Variants in LDLRAD3 observed in about 807,000 individuals in gnomAD.
LDLRAD3 encodes the protein low density lipoprotein receptor class A domain containing 3.
In LDLRAD3, 20 loss-of-function variants were observed where a neutral mutation model predicts 29.4. That is an observed-to-expected ratio of 0.68 (90% confidence interval 0.48 to 0.99). The LOEUF is 0.99. Ranked by LOEUF, LDLRAD3 falls within the 50% of genes least tolerant of loss-of-function variation. The probability of loss-of-function intolerance (pLI) is 0.00; values close to 1 mark genes in which losing one functional copy is unlikely to be tolerated. For missense variants in LDLRAD3, 420 were observed against 454.3 expected (o/e 0.92, Z 0.69); for synonymous variants, 157 against 192.7 (o/e 0.81, Z 1.53).
At chr11:35,990,535 A>G (rs1285278078) in intron 1 of LDLRAD3, among the ~76,000 whole-genome samples, 1 of 151,740 alleles carries the variant, frequency 6.6e-6, no homozygotes. Context: ...CTCCTGCCTC[A>G]GCTTCCTGAG....
intron 2 of LDLRAD3, among the ~76,000 whole-genome samples, chr11:36,075,457 G>A (rs1852982132): frequency 6.6e-6 from 1 of 152,140 alleles, no homozygotes; most frequent in South Asian, 2.1e-4. Context: ...TGATGATGTT[G>A]ACCATGGTCC....
At chr11:36,062,303 C>T (rs1852713215) in intron 2 of LDLRAD3, among the ~76,000 whole-genome samples, 1 of 152,150 alleles carries the variant, frequency 6.6e-6, no homozygotes, top group African/African-American at 2.4e-5. Context: ...GAGTATTGAC[C>T]TTTCCCTAGT....
intron 1 of LDLRAD3, among the ~76,000 whole-genome samples, chr11:36,028,692 A>G (rs1210707714): frequency 6.6e-6 from 1 of 152,220 alleles, no homozygotes; most frequent in Non-Finnish European, 1.5e-5. Flanking sequence ...GTAGACCTAT[A>G]TTACAGAAAA....
At chr11:36,221,708 A>AT (rs1214358621) in intron 4 of LDLRAD3, among the ~76,000 whole-genome samples, 2 of 152,202 alleles carry the variant, frequency 1.3e-5, no homozygotes, top group African/African-American at 4.8e-5. Flanking sequence ...CAGAGTGCTT[A>AT]TTTTTTTAAT....
chr11:36,085,554 A>C (rs1211467362), intron 3 of LDLRAD3, among the ~76,000 whole-genome samples: 7 of 152,022 alleles, frequency 4.6e-5, no homozygotes, highest in Non-Finnish European at 5.9e-5. Context: ...TAATGACAAC[A>C]ATGTTAGATC....
At position 36,231,869 on chromosome 11, in the gene LDLRAD3, G is replaced by A. The variant is rs1417952566; in HGVS notation, c.*2472G>A. ...CTAAATCTACGCCAACCAGAAAATA[G>A]TCTCATCTCTTTTTTTCTCAAATGA... is the stretch of plus-strand genomic sequence containing the variant. On this transcript the variant is annotated 3_prime_UTR_variant, in exon 6 of 6. Coordinates refer to ENST00000315571, the MANE Select transcript of LDLRAD3 (RefSeq NM_174902.4). The A allele has an allele frequency of 6.6e-6, 1 of 152,014 alleles. No homozygotes were observed. Among genetic ancestry groups the A allele is most frequent in the Middle Eastern group, 3.2e-3 (1 of 316 alleles). The allele number at this position is 152,014 out of a possible 1,614,324, so 9.4% of individuals were successfully genotyped here.
intron 2 of LDLRAD3, among the ~76,000 whole-genome samples, chr11:36,068,374 T>G (rs2133241806): frequency 6.6e-6 from 1 of 152,310 alleles, no homozygotes; most frequent in African/African-American, 2.4e-5. Flanking sequence ...ATGCAAAATC[T>G]CATTTTATTT....
intron 4 of LDLRAD3, among the ~76,000 whole-genome samples, chr11:36,103,481 C>T (rs960075185): frequency 2.6e-5 from 4 of 152,038 alleles, no homozygotes; most frequent in East Asian, 1.9e-4. Flanking sequence ...CCTCATGATC[C>T]GCCCGCCTCG....
chr11:36,210,555 A>T (rs1855270524), intron 4 of LDLRAD3, among the ~76,000 whole-genome samples: 1 of 152,180 alleles, frequency 6.6e-6, no homozygotes, highest in African/African-American at 2.4e-5. Context: ...CTATTATGGA[A>T]CAACCGGGTT....
chr11:36,048,354 A>G (rs985714672), intron 2 of LDLRAD3, among the ~76,000 whole-genome samples: 2 of 152,166 alleles, frequency 1.3e-5, no homozygotes, highest in African/African-American at 4.8e-5. Context: ...CCCCACTCCA[A>G]CTACAATGCT....
intron 3 of LDLRAD3, among the ~76,000 whole-genome samples, chr11:36,095,286 C>G (rs1220894681): frequency 6.6e-6 from 1 of 152,154 alleles, no homozygotes; most frequent in Non-Finnish European, 1.5e-5. Context: ...CTAAATGGGC[C>G]TCCTAGGTGG....
intron 1 of LDLRAD3, among the ~76,000 whole-genome samples, chr11:35,996,192 T>G (rs1163801267): frequency 6.6e-6 from 1 of 152,224 alleles, no homozygotes; most frequent in African/African-American, 2.4e-5. Context: ...AAGTGAGAGA[T>G]GTACAACGCT....
At chr11:36,109,179 C>T (rs1382273215) in intron 4 of LDLRAD3, among the ~76,000 whole-genome samples, 2 of 152,148 alleles carry the variant, frequency 1.3e-5, no homozygotes, top group Non-Finnish European at 2.9e-5. Context: ...GAGAAGAGAG[C>T]TCAGAAGAAC....
At chr11:35,983,141 A>G (rs1369760227) in intron 1 of LDLRAD3, among the ~76,000 whole-genome samples, 2 of 152,188 alleles carry the variant, frequency 1.3e-5, no homozygotes, top group Non-Finnish European at 2.9e-5. Flanking sequence ...GGCGTGAGCC[A>G]CCGCTCCTGG....
At chr11:35,973,107 G>C (rs1851435494) in intron 1 of LDLRAD3, among the ~76,000 whole-genome samples, 1 of 148,828 alleles carries the variant, frequency 6.7e-6, no homozygotes. Flanking sequence ...CTTTTGACCT[G>C]ACCCCAGCTG....
At chr11:36,120,164 C>T (rs1853733068) in intron 4 of LDLRAD3, among the ~76,000 whole-genome samples, 1 of 152,142 alleles carries the variant, frequency 6.6e-6, no homozygotes, top group South Asian at 2.1e-4. Context: ...GGCTATATTT[C>T]TAGTCTGGAA....
chr11:35,969,887 G>A (rs1851391166), intron 1 of LDLRAD3, among the ~76,000 whole-genome samples: 1 of 152,208 alleles, frequency 6.6e-6, no homozygotes, highest in Non-Finnish European at 1.5e-5. Context: ...ATGGTACCAA[G>A]TCCTGCTTTG....
intron 2 of LDLRAD3, among the ~76,000 whole-genome samples, chr11:36,048,374 C>A (rs1852482431): frequency 6.6e-6 from 1 of 152,112 alleles, no homozygotes; most frequent in African/African-American, 2.4e-5. Context: ...TGTCGAGTTC[C>A]CATTGACACC....
At chr11:36,201,148 A>T (rs1855121704) in intron 4 of LDLRAD3, among the ~76,000 whole-genome samples, 1 of 152,220 alleles carries the variant, frequency 6.6e-6, no homozygotes, top group South Asian at 2.1e-4. Flanking sequence ...AATGGAAACC[A>T]CATGCTGGTC....
Sources: allele counts gnomAD v4.1 joint callset (sites outside exome capture counted in the v4.1 genomes callset), GRCh38; gene constraint gnomAD v4.1.1; transcripts MANE v1.5; gene names NCBI Gene and HGNC (gene_info 2026-07-23, HGNC 2026-07-21).